Variants in F7 observed in about 807,000 individuals in gnomAD.
F7 encodes the protein FVII coagulation protein.
F7 carries 38 observed loss-of-function variants against 47.5 expected under a neutral mutation model. The ratio of observed to expected loss-of-function variants is 0.80; its 90% CI spans 0.62 to 1.05. F7 has a LOEUF of 1.05. Among genes scored for constraint, F7 ranks in the 50% least tolerant of loss-of-function variants. F7 has a pLI of 0.00. For synonymous variants in F7, 244 were observed against 258.5 expected, an observed-to-expected ratio of 0.94 and a Z score of 0.54; for missense variants, 575 against 605.4, an observed-to-expected ratio of 0.95 and a Z score of 0.53.
chr13:113,110,080 G>A (rs935368917), intron 1 of F7, among the ~76,000 whole-genome samples: 11 of 152,164 alleles, frequency 7.2e-5, no homozygotes, highest in African/African-American at 2.4e-4. Context: ...GGAGCTCTCA[G>A]GGGTCGCGGG....
chr13:113,116,748 G>T lies in F7; in HGVS notation c.506-18G>T. Reference sequence around the variant, plus strand: ...CCCTCACAAATCTCTGCATCTTTCTGACTTTTGTTTTACACAGTTGAATAT... The same window carrying T: ...CCCTCACAAATCTCTGCATCTTTCTTACTTTTGTTTTACACAGTTGAATAT... On this transcript the variant is annotated intron_variant, in intron 5 of 7. Coordinates refer to ENST00000346342, the MANE Select transcript of F7 (RefSeq NM_019616.4). The T allele has an allele frequency of 6.4e-7, 1 of 1,555,478 alleles. No homozygotes were observed. Among genetic ancestry groups the T allele is most frequent in the Non-Finnish European group, 8.9e-7 (1 of 1,126,828 alleles).
chr13:113,117,648 T>A, intron 7 of F7, 52 bp downstream of exon 7: 1 of 875,572 alleles, frequency 1.1e-6, no homozygotes, highest in Non-Finnish European at 1.5e-6. Context: ...GTGCCACTCT[T>A]CCCTGTCCGA....
intron 2 of F7, among the ~76,000 whole-genome samples, chr13:113,111,848 C>T (rs532263307): frequency 3.7e-5 from 3 of 80,606 alleles, no homozygotes; most frequent in African/African-American, 1.6e-4. Flanking sequence ...CAGGACACCT[C>T]ACACAGGGCA....
chr13:113,108,464 A>G (rs1439743131), intron 1 of F7, among the ~76,000 whole-genome samples: 2 of 19,862 alleles, frequency 1.0e-4, no homozygotes. Flanking sequence ...GGTGTTCCGG[A>G]GGCGAGGGTG....
intron 1 of F7, among the ~76,000 whole-genome samples, chr13:113,107,259 T>TGTGGGTGTCCCGGGGGC (rs1463308889): frequency 1.6e-5 from 1 of 62,160 alleles, no homozygotes; most frequent in African/African-American, 5.4e-5. Flanking sequence ...GTCCCGGGAG[T>TGTGGGTGTCCCGGGGGC]GTGGGTGTCC....
Position 113,113,941 on chromosome 13 carries a change from G to A in F7, c.345G>A (p.Glu115=), listed in dbSNP as rs1461649293. The part of the protein sequence containing the change: ...SYICFCLPAF[E]GRNCETHKDD... Reference sequence around the variant, plus strand: ...TCTGCTTCTGCCTCCCTGCCTTCGAGGGCCGGAACTGTGAGACGCGTAAGG... The same window carrying A: ...TCTGCTTCTGCCTCCCTGCCTTCGAAGGCCGGAACTGTGAGACGCGTAAGG... Residue 115 remains glutamate, a synonymous_variant, in exon 4 of 8, where the codon GAG becomes GAA. Coordinates refer to ENST00000346342, the MANE Select transcript of F7 (RefSeq NM_019616.4). This position sits in a 1 kb window ranked among gnomAD's most constrained non-coding sequence, Gnocchi z 4.1. 1 of 1,614,086 alleles carries A rather than the reference G, an allele frequency of 6.2e-7. No homozygotes were observed.
chr13:113,106,988 G>A, intron 1 of F7: 1 of 1,498,886 alleles, frequency 6.7e-7, no homozygotes, highest in Non-Finnish European at 9.1e-7. Flanking sequence ...CCATGGCAAA[G>A]AGCCAGCCCG....
intron 1 of F7, 136 bp downstream of exon 1, chr13:113,106,041 T>C: frequency 1.5e-6 from 1 of 673,894 alleles, no homozygotes; most frequent in Non-Finnish European, 2.4e-6. Flanking sequence ...GCGGCTCCTG[T>C]TCAATTTCTT....
At chr13:113,107,971 A>G (rs1307934014) in intron 1 of F7, among the ~76,000 whole-genome samples, 6 of 15,306 alleles carry the variant, frequency 3.9e-4, no homozygotes, top group South Asian at 3.5e-3. Flanking sequence ...GTGTCCCGGG[A>G]GTGTGGGTGT....
At chr13:113,116,993 A>G (rs1297475761) in intron 6 of F7, 118 bp downstream of exon 6, 2 of 826,860 alleles carry the variant, frequency 2.4e-6, no homozygotes, top group South Asian at 1.4e-5. Context: ...CCAGGCTCCA[A>G]GTCAGCACAC....
chr13:113,119,028 G>C lies in F7; in HGVS notation c.*20G>C. The C allele has an allele frequency of 6.3e-7, 1 of 1,596,282 alleles. No individual in the cohort carries two copies. The highest frequency in any genetic ancestry group is 8.5e-7 in the Non-Finnish European group (1 of 1,178,342). ...CCCTAGCCCAGCAGCCCTGGCCTGT[G>C]GAGAGAAAGCCAAGGCTGCGTCGAA... is the stretch of plus-strand genomic sequence containing the variant. On this transcript the variant is annotated 3_prime_UTR_variant, in exon 8 of 8. Coordinates refer to ENST00000346342, the MANE Select transcript of F7 (RefSeq NM_019616.4).
At chr13:113,116,424 T>G (rs1432850746) in intron 5 of F7, among the ~76,000 whole-genome samples, 1 of 152,234 alleles carries the variant, frequency 6.6e-6, no homozygotes, top group Non-Finnish European at 1.5e-5. Flanking sequence ...AGGTAGAATT[T>G]CATTCACCTT....
intron 1 of F7, among the ~76,000 whole-genome samples, chr13:113,109,768 G>C (rs1595071006): frequency 6.6e-6 from 1 of 152,138 alleles, no homozygotes; most frequent in East Asian, 1.9e-4. Flanking sequence ...GGCAGGTTCG[G>C]GCAGCACGGC....
At chr13:113,112,162 A>G (rs2036113029) in intron 2 of F7, among the ~76,000 whole-genome samples, 1 of 134,774 alleles carries the variant, frequency 7.4e-6, no homozygotes, top group Admixed American at 7.5e-5. Context: ...TCACACCCAC[A>G]GGACACCTCA....
Position 113,105,803 on chromosome 13 carries a change from A to G in F7, c.-39A>G. ...AACTTTGCCCGTCAGTCCCATGGGG[A>G]ATGTCAACAGGCAGGGGCAGCACTG... is the stretch of plus-strand genomic sequence containing the variant. On this transcript the variant is annotated 5_prime_UTR_variant, in exon 1 of 8. Transcript: ENST00000346342. 3 of 1,566,338 alleles carry G rather than the reference A, an allele frequency of 1.9e-6. No homozygotes were observed. The highest frequency in any genetic ancestry group is 2.6e-6 in the Non-Finnish European group (3 of 1,154,632).
chr13:113,115,513 TG>T, intron 4 of F7, 146 bp from the exon 5 acceptor site: 1 of 816,458 alleles, frequency 1.2e-6, no homozygotes, highest in Non-Finnish European at 2.0e-6. Flanking sequence ...ACGGAGCAGG[TG>T]GTGCCAAGCT....
chr13:113,120,016 G>A lies in F7; in HGVS notation c.*1008G>A, dbSNP rs549470744. ...ACGGCTGCGTCTCCTCCGCACACCT[G>A]TGGTGCCTGCCACCCACTGGGTTGC... On this transcript the variant is annotated 3_prime_UTR_variant, in exon 8 of 8. Coordinates refer to ENST00000346342, the MANE Select transcript of F7 (RefSeq NM_019616.4). 1 of 152,350 alleles carries A rather than the reference G, an allele frequency of 6.6e-6. No individual in the cohort carries two copies. Among genetic ancestry groups the A allele is most frequent in the East Asian group, 1.9e-4 (1 of 5,186 alleles). 9.4% of individuals were successfully genotyped at this position (152,350 alleles called of 1,614,324 possible).
rs1479286646 is a variant in F7 at position 113,120,082 on chromosome 13, G to C, written c.*1074G>C. The C allele has an allele frequency of 6.6e-6, 1 of 152,212 alleles. No homozygotes were observed. The highest frequency in any genetic ancestry group is 1.5e-5 in the Non-Finnish European group (1 of 68,050). 9.4% of individuals were successfully genotyped at this position (152,212 alleles called of 1,614,324 possible). On this transcript the variant is annotated 3_prime_UTR_variant, in exon 8 of 8. Transcript: ENST00000346342. ...GGAGCCCCCGGTGCTCATCCTCTGA[G>C]ATGCTCTTTTCTTTCACAATTTTCA...
chr13:113,106,999 C>A (rs950216174), intron 1 of F7: 11 of 1,439,958 alleles, frequency 7.6e-6, no homozygotes, highest in African/African-American at 1.4e-5. Context: ...AGCCAGCCCG[C>A]GGGGTGGCTA....
Sources: allele counts gnomAD v4.1 joint callset (sites outside exome capture counted in the v4.1 genomes callset), GRCh38; gene constraint gnomAD v4.1.1; non-coding constraint Gnocchi (gnomAD v3.1); transcripts MANE v1.5; gene names NCBI Gene and HGNC (gene_info 2026-07-23, HGNC 2026-07-21).